PCCB: variants seen among roughly 807,000 people sequenced by gnomAD.
PCCB encodes propionyl-CoA carboxylase subunit beta.
A neutral mutation model predicts 60.7 loss-of-function variants in PCCB; 43 were observed. The observed-to-expected ratio is 0.71, with a 90% CI of 0.55 to 0.91. The LOEUF (loss-of-function observed/expected upper bound fraction) is 0.91. Ranked by LOEUF, PCCB falls within the 40% of genes least tolerant of loss-of-function variation. The pLI is 0.00. For missense variants in PCCB, 766 were observed against 702.8 expected (o/e 1.09, Z -1.02); for synonymous variants, 276 against 255.9 (o/e 1.08, Z -0.75).
intron 5 of PCCB, among the ~76,000 whole-genome samples, chr3:136,268,331 A>T (rs949723321): frequency 2.0e-5 from 3 of 151,434 alleles, no homozygotes; most frequent in Non-Finnish European, 2.9e-5. Context: ...ATATCAGTTG[A>T]TCATAAATGT....
rs113084464 is a variant in PCCB at position 136,309,888 on chromosome 3, T to C, written c.967-7053T>C. 1.7e-4 allele frequency among the ~76,000 whole-genome samples: 26 copies of C among 151,792 alleles called. 1 individual carries two copies. The highest frequency in any genetic ancestry group is 6.3e-4 in the African/African-American group (26 of 41,380). On this transcript the variant is annotated intron_variant, in intron 9 of 14. Transcript: ENST00000251654. ...TAACAGAAATTGATCCCATCAGAGA[T>C]AGGAAGCTTAAATGAACCACCAAAT...
chr3:136,303,458 C>A lies in PCCB; in HGVS notation c.966+2347C>A, dbSNP rs1235317861. Among the ~76,000 whole-genome samples the A allele has an allele frequency of 7.4e-5, 9 of 121,970 alleles. 2 individuals are homozygous for A. The highest frequency in any genetic ancestry group is 1.5e-4 in the Non-Finnish European group (8 of 54,910). 80.0% of individuals were successfully genotyped at this position (121,970 alleles called of 152,430 possible). A position where few individuals can be genotyped will look rare whatever the true frequency, so the allele number is the denominator to read the frequency against. On this transcript the variant is annotated intron_variant, in intron 9 of 14. Transcript: ENST00000251654. ...TAGTAGATTTCTGAATACTAAACTT[C>A]CTTCATTCCTGAAGTTGTATATTCT...
Position 136,270,829 on chromosome 3 carries a change from C to T in PCCB, c.543+8764C>T, listed in dbSNP as rs148967967. On this transcript the variant is annotated intron_variant, in intron 5 of 14. Coordinates refer to ENST00000251654, the MANE Select transcript of PCCB (RefSeq NM_000532.5). ...CTGTTTTTTGACTTTTTAATTATGGCCGTTTTTGTAGGAGTAAGGTGGTAT... is the reference window on the plus strand; with the variant it reads ...CTGTTTTTTGACTTTTTAATTATGGTCGTTTTTGTAGGAGTAAGGTGGTAT... 6.4e-3 allele frequency among the ~76,000 whole-genome samples: 979 copies of T among 152,140 alleles called. 12 individuals are homozygous for T. Among genetic ancestry groups the T allele is most frequent in the African/African-American group, 0.022 (931 of 41,504 alleles).
chr3:136,269,485 G>A (rs545481419), intron 5 of PCCB, among the ~76,000 whole-genome samples: 1 of 152,262 alleles, frequency 6.6e-6, no homozygotes, highest in Non-Finnish European at 1.5e-5. Context: ...TCTGCAAATA[G>A]AGGCAGTTTT....
At chr3:136,307,467 A>G (rs890843135) in intron 9 of PCCB, among the ~76,000 whole-genome samples, 1 of 152,180 alleles carries the variant, frequency 6.6e-6, no homozygotes, top group African/African-American at 2.4e-5. Context: ...TAGCTAACAG[A>G]TATCATTAAA....
In PCCB at chr3:136,325,101, G is replaced by A. The variant is rs529148905; in HGVS notation, c.1091-1702G>A. On this transcript the variant is annotated intron_variant, in intron 10 of 14. Transcript: ENST00000251654. ...GACAGGGTTTTGCCATTTTGGCCAG[G>A]CTGGTCTTGAACTCCTGACCTCAGG... Among the ~76,000 whole-genome samples the A allele has an allele frequency of 6.6e-5, 10 of 152,244 alleles. No individual in the cohort carries two copies. The East Asian group carries it at 1.9e-3, about 29-fold the overall frequency.
intron 5 of PCCB, among the ~76,000 whole-genome samples, chr3:136,270,747 C>G (rs1461483789): frequency 6.6e-6 from 1 of 152,178 alleles, no homozygotes; most frequent in Non-Finnish European, 1.5e-5. Context: ...CTCAGGTGAT[C>G]CACCTGCCTT....
At chr3:136,274,823 TC>T (rs1942298811) in intron 5 of PCCB, among the ~76,000 whole-genome samples, 1 of 151,950 alleles carries the variant, frequency 6.6e-6, no homozygotes, top group South Asian at 2.1e-4. Flanking sequence ...ATTTCTTCTT[TC>T]TTTTTTTTTT....
In PCCB at chr3:136,273,135, T is replaced by C. The variant is rs1161452400; in HGVS notation, c.544-10702T>C. On this transcript the variant is annotated intron_variant, in intron 5 of 14. Coordinates refer to ENST00000251654, the MANE Select transcript of PCCB (RefSeq NM_000532.5). ...TATTTGTATAGTTTTGAGCATTTCTTTTGGAGTTGTTTCTAGTTTTGTTCC... is the reference window on the plus strand; with the variant it reads ...TATTTGTATAGTTTTGAGCATTTCTCTTGGAGTTGTTTCTAGTTTTGTTCC... Among the ~76,000 whole-genome samples the C allele has an allele frequency of 7.2e-5, 11 of 152,310 alleles. No individual in the cohort carries two copies. In the South Asian group the frequency reaches 2.1e-3, roughly 29 times the overall value.
At position 136,330,070 on chromosome 3, in the gene PCCB, C is replaced by T. The variant is rs201452852; in HGVS notation, c.*44C>T. 3.2e-4 allele frequency: 521 copies of T among 1,613,084 alleles called. 1 individual carries two copies. The African/African-American group carries it at 5.5e-3, about 17-fold the overall frequency. On this transcript the variant is annotated 3_prime_UTR_variant, in exon 15 of 15. Transcript: ENST00000251654. The stretch of plus-strand genomic sequence containing the variant: ...AACCAAGAACTGAATTACTGTCTGC[C>T]CATTCACATCCCATTCCTGCCTTTT...
At chr3:136,276,626 T>C (rs1370235778) in intron 5 of PCCB, among the ~76,000 whole-genome samples, 1 of 152,206 alleles carries the variant, frequency 6.6e-6, no homozygotes, top group Non-Finnish European at 1.5e-5. Context: ...GCAGTCACTC[T>C]GTAGTGTTCC....
At chr3:136,310,830 AG>A (rs1161848348) in intron 9 of PCCB, among the ~76,000 whole-genome samples, 1 of 152,178 alleles carries the variant, frequency 6.6e-6, no homozygotes, top group Non-Finnish European at 1.5e-5. Flanking sequence ...CATATAGGGG[AG>A]AAAAATCACA....
chr3:136,308,710 A>G (rs1475088036), intron 9 of PCCB, among the ~76,000 whole-genome samples: 2 of 152,248 alleles, frequency 1.3e-5, no homozygotes, highest in Non-Finnish European at 2.9e-5. Flanking sequence ...AAACATCATT[A>G]AATCCCATAG....
intron 5 of PCCB, among the ~76,000 whole-genome samples, chr3:136,276,836 A>G (rs767120331): frequency 3.3e-5 from 5 of 152,174 alleles, no homozygotes; most frequent in Non-Finnish European, 5.9e-5. Context: ...TGCTGAAAGG[A>G]ACTTCCCATC....
chr3:136,252,903 GTT>G (rs1355883784), intron 1 of PCCB, among the ~76,000 whole-genome samples: 1 of 72,620 alleles, frequency 1.4e-5, no homozygotes, highest in Admixed American at 1.6e-4. Flanking sequence ...CCTGTTTTTT[GTT>G]TTGTTTTTTT....
chr3:136,291,931 G>C lies in PCCB; in HGVS notation c.655-1825G>C, dbSNP rs1039453116. Reference sequence around the variant, plus strand: ...CCGGCCCTGGAGTCTTGATCTCTCCGACTTGTCCATGCTGGGCCTCCAGCA... The same window carrying C: ...CCGGCCCTGGAGTCTTGATCTCTCCCACTTGTCCATGCTGGGCCTCCAGCA... On this transcript the variant is annotated intron_variant, in intron 6 of 14. Coordinates refer to ENST00000251654, the MANE Select transcript of PCCB (RefSeq NM_000532.5). Among the ~76,000 whole-genome samples the C allele has an allele frequency of 4.6e-5, 7 of 152,284 alleles. No homozygotes were observed. The South Asian group carries it at 1.2e-3, about 27-fold the overall frequency.
chr3:136,291,173 G>A (rs964742165), intron 6 of PCCB, among the ~76,000 whole-genome samples: 1 of 151,906 alleles, frequency 6.6e-6, no homozygotes, highest in Admixed American at 6.6e-5. Flanking sequence ...GAGTCTTGCT[G>A]TCTTGGCCAG....
chr3:136,296,835 G>GAAACA (rs571372979), intron 7 of PCCB, among the ~76,000 whole-genome samples: 2 of 152,124 alleles, frequency 1.3e-5, no homozygotes, highest in African/African-American at 2.4e-5. Flanking sequence ...TGTAAAAAAA[G>GAAACA]AAACAAAACA....
chr3:136,250,552 C>G lies in PCCB; in HGVS notation c.177C>G (p.His59Gln), dbSNP rs757134877. The G allele has an allele frequency of 5.0e-6, 8 of 1,611,826 alleles. No individual in the cohort carries two copies. Among genetic ancestry groups the G allele is most frequent in the Non-Finnish European group, 5.9e-6 (7 of 1,179,482 alleles). The change falls in exon 1 of 15, where the codon CAC (histidine) becomes CAG (glutamine). Residue 59 changes from histidine to glutamine, a missense_variant. His to Gln is a conservative substitution (Grantham distance 24). Transcript: ENST00000251654. ...GGGQRRIDAQ[H>Q]KRGKLTARER... is the part of the protein sequence containing the mutation. ...GCCAACGCCGTATTGACGCGCAGCA[C>G]AAGCGAGTGAGTCCTGAGGGGCCTA...
Sources: allele counts gnomAD v4.1 joint callset (sites outside exome capture counted in the v4.1 genomes callset), GRCh38; gene constraint gnomAD v4.1.1; transcripts MANE v1.5; gene names NCBI Gene and HGNC (gene_info 2026-07-23, HGNC 2026-07-21).